The following POTEF variants were observed in gnomAD, a reference collection of about 807,000 sequenced individuals.
POTEF encodes POTE ankyrin domain family member F.
In POTEF, 20 loss-of-function variants were observed where a neutral mutation model predicts 83.2. The observed-to-expected ratio is 0.24, with a 90% confidence interval of 0.17 to 0.35. The LOEUF (loss-of-function observed/expected upper bound fraction) is 0.35, where lower values mean the gene tolerates loss of function less well. Among genes scored for constraint, POTEF ranks in the 10% least tolerant of loss-of-function variants. POTEF has a pLI of 1.00. For missense variants in POTEF, 550 were observed against 1,203.2 expected (o/e 0.46, Z 8.03); for synonymous variants, 196 against 446.4 (o/e 0.44, Z 7.07).
intron 11 of POTEF, among the ~76,000 whole-genome samples, chr2:130,097,823 TGGTGA>T (rs1162883510): frequency 4.2e-5 from 6 of 143,940 alleles, no homozygotes; most frequent in Non-Finnish European, 9.1e-5. Context: ...TGGAAAAATA[TGGTGA>T]GGTGAATACT....
intron 7 of POTEF, chr2:130,109,302 A>G (rs891947560): frequency 1.4e-5 from 2 of 142,600 alleles, no homozygotes; most frequent in African/African-American, 2.8e-5. Flanking sequence ...GTGCCGCCGA[A>G]GCAAGCACAA....
rs1398702310 is a variant in POTEF at position 130,076,529 on chromosome 2, A to G, written c.1899+552T>C. Among the ~76,000 whole-genome samples, 177 of 149,120 alleles carry G rather than the reference A, an allele frequency of 1.2e-3. 1 individual carries two copies. The highest frequency in any genetic ancestry group is 1.9e-3 in the South Asian group (9 of 4,712). On this transcript the variant is annotated intron_variant, in intron 16 of 16. Coordinates refer to ENST00000409914, the MANE Select transcript of POTEF (RefSeq NM_001099771.2). ...GGGAAATATACTGAACTATTTCTCCAGAAAGAAAATACTTATCAATAAATT... is the reference window on the plus strand; with the variant it reads ...GGGAAATATACTGAACTATTTCTCCGGAAAGAAAATACTTATCAATAAATT...
Position 130,114,882 on chromosome 2 carries a change from T to G in POTEF, c.809A>C (p.Lys270Thr). 7.5e-7 allele frequency: 1 copy of G among 1,335,582 alleles called. No individual in the cohort carries two copies. 82.7% of individuals were successfully genotyped at this position (1,335,582 alleles called of 1,614,324 possible). ...AAGATAAAATTGGTAGATCTATACC[T>G]TGTTTTTTGATTCGATATCAGCACC... ...LYGADIESKN[K>T]HGLTPLLLGV... Residue 270 changes from lysine (K) to threonine (T), a missense_variant and splice_region_variant, in exon 5 of 17, where the codon AAG becomes ACG. Lys to Thr is a moderately conservative substitution (Grantham distance 78). Transcript: ENST00000409914.
chr2:130,108,159 A>G, intron 7 of POTEF, 80 bp from the exon 8 acceptor site: 1 of 1,497,536 alleles, frequency 6.7e-7, no homozygotes, highest in Non-Finnish European at 9.0e-7. Context: ...AATTATTAAG[A>G]GTATTTCAAA....
At chr2:130,102,914 G>A (rs1684413857) in intron 8 of POTEF, among the ~76,000 whole-genome samples, 1 of 151,330 alleles carries the variant, frequency 6.6e-6, no homozygotes, top group South Asian at 2.1e-4. Context: ...GAGCTGTTGC[G>A]AACCTAAATG....
At position 130,119,315 on chromosome 2, in the gene POTEF, C is replaced by T. The variant is rs932809062; in HGVS notation, c.521+680G>A. 2.5e-4 allele frequency among the ~76,000 whole-genome samples: 38 copies of T among 151,964 alleles called. 2 individuals are homozygous for T. Among genetic ancestry groups the T allele is most frequent in the African/African-American group, 9.2e-4 (38 of 41,318 alleles). On this transcript the variant is annotated intron_variant, in intron 3 of 16. Coordinates refer to ENST00000409914, the MANE Select transcript of POTEF (RefSeq NM_001099771.2). The stretch of plus-strand genomic sequence containing the variant: ...AGTAGCCGGGACTACAGGCGTCTAC[C>T]ACCGCACCCGGCTAATTTTTTTTAT...
Position 130,103,393 on chromosome 2 carries a change from T to G in POTEF, c.1127-1213A>C, listed in dbSNP as rs149643853. Among the ~76,000 whole-genome samples the G allele has an allele frequency of 1.4e-3, 204 of 150,842 alleles. 1 individual carries two copies. Among genetic ancestry groups the G allele is most frequent in the Middle Eastern group, 3.4e-3 (1 of 294 alleles). The stretch of plus-strand genomic sequence containing the variant: ...GGATTAGAGGTGTGAGCCACCACAC[T>G]TGTCCTTATATTTATCTTTTAAAAC... On this transcript the variant is annotated intron_variant, in intron 8 of 16. Coordinates refer to ENST00000409914, the MANE Select transcript of POTEF (RefSeq NM_001099771.2).
rs1458709480 is a variant in POTEF at position 130,120,063 on chromosome 2, T to A, written c.453A>T (p.Lys151Asn). The change falls in exon 3 of 17, where the codon AAA (lysine) becomes AAT (asparagine). Residue 151 changes from lysine to asparagine, a missense_variant. By Grantham distance (94) the Lys-to-Asn change is moderately conservative (BLOSUM62 0). Transcript: ENST00000409914. ...DKLHRAAWWGKVPRKDLIVML... is the reference protein window; with the variant it reads ...DKLHRAAWWGNVPRKDLIVML... Reference sequence around the variant, plus strand: ...TGACGATGAGATCCTTTCTGGGGACTTTACCCCACCAGGCAGCTCTGTGGA... The same window carrying A: ...TGACGATGAGATCCTTTCTGGGGACATTACCCCACCAGGCAGCTCTGTGGA... 6.3e-7 allele frequency: 1 copy of A among 1,591,318 alleles called. No homozygotes were observed. The highest frequency in any genetic ancestry group is 2.3e-5 in the East Asian group (1 of 44,358).
intron 8 of POTEF, among the ~76,000 whole-genome samples, chr2:130,103,589 G>T (rs1219273047): frequency 6.8e-6 from 1 of 146,816 alleles, no homozygotes; most frequent in Non-Finnish European, 1.5e-5. Context: ...GACTGCAGAG[G>T]ACAGTCTTGA....
rs3100069 is a variant in POTEF, at chr2:130,112,012, T to C, written c.900A>G (p.Ala300=). The change falls in exon 6 of 17, where the codon GCA becomes GCG. Residue 300 remains alanine, a synonymous_variant. Coordinates refer to ENST00000409914, the MANE Select transcript of POTEF (RefSeq NM_001099771.2). The stretch of plus-strand genomic sequence containing the variant: ...AACTATACCTTCCATATCTATCCAG[T>C]GCATTTAAATTCGCTTTTTTCTTAA... ...FLIKKKANLN[A]LDRYGRTALI... 9.9e-5 allele frequency: 148 copies of C among 1,502,150 alleles called. 6 individuals are homozygous for C. Among genetic ancestry groups the C allele is most frequent in the African/African-American group, 2.5e-4 (15 of 59,186 alleles). 93.1% of individuals were successfully genotyped at this position (1,502,150 alleles called of 1,614,324 possible).
intron 12 of POTEF, among the ~76,000 whole-genome samples, chr2:130,088,586 TTC>T (rs1337563350): frequency 1.2e-3 from 66 of 56,236 alleles, no homozygotes; most frequent in African/African-American, 5.3e-3. Flanking sequence ...TTTTCTTTTT[TTC>T]TTTTTTCTTT....
At chr2:130,111,481 G>T (rs1573610946) in intron 6 of POTEF, among the ~76,000 whole-genome samples, 1 of 151,950 alleles carries the variant, frequency 6.6e-6, no homozygotes. Context: ...TGAACCCACA[G>T]TATGTGGGAA....
chr2:130,108,134 A>C (rs1419107940), intron 7 of POTEF, 55 bp from the exon 8 acceptor site: 1 of 1,523,962 alleles, frequency 6.6e-7, no homozygotes, highest in Non-Finnish European at 8.8e-7. Context: ...ATATAAAAAA[A>C]CTTACCAAAT....
rs754588446 is a variant in POTEF, at chr2:130,120,419, G to T, written c.97C>A (p.Pro33Thr). The change falls in exon 3 of 17, where the codon CCC becomes ACC. Residue 33 changes from proline (P) to threonine (T), a missense_variant. Physicochemically the swap from Pro to Thr is conservative, Grantham distance 38. Transcript: ENST00000409914. ...CTCTTGCCGCTCTCCCTGCAGCAGG[G>T]GAAGCAACGGCAGCACCACTTGCCC... ...KMGKWCCRCF[P>T]CCRESGKSNV... 10 of 1,612,874 alleles carry T rather than the reference G, an allele frequency of 6.2e-6. No homozygotes were observed. Among genetic ancestry groups the T allele is most frequent in the Non-Finnish European group, 8.5e-6 (10 of 1,179,596 alleles).
At chr2:130,078,376 T>C (rs1683873190) in intron 15 of POTEF, among the ~76,000 whole-genome samples, 1 of 90,208 alleles carries the variant, frequency 1.1e-5, no homozygotes, top group South Asian at 3.4e-4. Flanking sequence ...GTGAAGTACC[T>C]AGGAATATAC....
intron 3 of POTEF, among the ~76,000 whole-genome samples, chr2:130,118,877 A>G (rs1290093734): frequency 1.3e-5 from 2 of 150,374 alleles, no homozygotes; most frequent in Non-Finnish European, 3.0e-5. Context: ...TTTTTCAAAT[A>G]ATAAAAAACA....
chr2:130,120,706 C>G, intron 2 of POTEF, 98 bp from the exon 3 acceptor site: 1 of 976,110 alleles, frequency 1.0e-6, no homozygotes, highest in African/African-American at 1.7e-5. Context: ...CACACCCACC[C>G]GAGGAAAGCC....
rs572909389 is a variant in POTEF, at chr2:130,075,155, G to A, written c.2317C>T (p.His773Tyr). Residue 773 changes from histidine to tyrosine, a missense_variant, in exon 17 of 17, where the codon CAC (histidine) becomes TAC (tyrosine). Physicochemically the swap from His to Tyr is moderately conservative, Grantham distance 83 (BLOSUM62 2). Coordinates refer to ENST00000409914, the MANE Select transcript of POTEF (RefSeq NM_001099771.2). ...GILTLKYPMEHGIITNWDDME... is the reference protein window; with the variant it reads ...GILTLKYPMEYGIITNWDDME... ...TCATCCCAGTTGGTGATGATGCCGT[G>A]TTCCATGGGGTACTTCAGGGTCAGG... 6.2e-7 allele frequency: 1 copy of A among 1,613,336 alleles called. No homozygotes were observed. The highest frequency in any genetic ancestry group is 1.3e-5 in the African/African-American group (1 of 74,700).
intron 2 of POTEF, among the ~76,000 whole-genome samples, chr2:130,122,424 G>T (rs1420255820): frequency 1.4e-5 from 2 of 142,898 alleles, no homozygotes; most frequent in Non-Finnish European, 3.0e-5. Context: ...TGTTGAATAG[G>T]GTGTCCTTTC....
Sources: gnomAD v4.1 joint callset for allele counts (sites outside exome capture counted in the v4.1 genomes callset) on GRCh38, gnomAD v4.1.1 for gene constraint, MANE v1.5 for transcripts, NCBI Gene and HGNC (gene_info 2026-07-23, HGNC 2026-07-21) for gene names.